Variants in IQCM observed in about 807,000 individuals in gnomAD.
IQCM encodes the protein IQ domain-containing protein M.
In IQCM, 45 loss-of-function variants were observed where a neutral mutation model predicts 57.6. That is an observed-to-expected ratio of 0.78 (90% CI 0.62 to 1.00). IQCM has a LOEUF of 1.00. Ranked by LOEUF, IQCM falls within the 50% of genes least tolerant of loss-of-function variation. IQCM has a pLI of 0.00. For synonymous variants in IQCM, 148 were observed against 158.9 expected (o/e 0.93, Z 0.51); for missense variants, 468 against 511.6 (o/e 0.91, Z 0.82).
At chr4:149,741,703 G>T (rs1207928463) in intron 3 of IQCM, among the ~76,000 whole-genome samples, 1 of 152,112 alleles carries the variant, frequency 6.6e-6, no homozygotes, top group Non-Finnish European at 1.5e-5. Flanking sequence ...TATATGTTAG[G>T]ATTGCTTGTA....
intron 10 of IQCM, among the ~76,000 whole-genome samples, chr4:149,559,819 C>G (rs2149927081): frequency 6.6e-6 from 1 of 152,284 alleles, no homozygotes; most frequent in African/African-American, 2.4e-5. Context: ...TGTTGGGAAC[C>G]AGGCTTCACA....
At chr4:149,368,930 ACG>A (rs1730116440) in intron 13 of IQCM, among the ~76,000 whole-genome samples, 1 of 82,198 alleles carries the variant, frequency 1.2e-5, no homozygotes, top group African/African-American at 5.0e-5. Context: ...ATATATATAC[ACG>A]TGTATATATA....
chr4:149,360,106 T>C (rs1464300340), intron 13 of IQCM, among the ~76,000 whole-genome samples: 1 of 152,116 alleles, frequency 6.6e-6, no homozygotes, highest in East Asian at 1.9e-4. Flanking sequence ...GATCTGCACA[T>C]CAGATGATTA....
intron 2 of IQCM, among the ~76,000 whole-genome samples, chr4:149,765,680 T>A (rs1354673590): frequency 6.6e-6 from 1 of 152,142 alleles, no homozygotes; most frequent in Non-Finnish European, 1.5e-5. Flanking sequence ...CCAGTTATTT[T>A]ATCCTAGCTT....
chr4:149,653,877 A>G lies in IQCM; in HGVS notation c.565+28241T>C, dbSNP rs569881028. On this transcript the variant is annotated intron_variant, in intron 7 of 13. Coordinates refer to ENST00000636793, the MANE Select transcript of IQCM (RefSeq NM_001363507.2). ...TCTGATTTTTAGTTTCTTCCTTTCT[A>G]CTCAATTGTAACTGGGAAAAAAATG... Among the ~76,000 whole-genome samples the G allele has an allele frequency of 2.0e-5, 3 of 152,140 alleles. No homozygotes were observed. The South Asian group carries it at 6.2e-4, about 32-fold the overall frequency.
At chr4:149,676,067 G>A (rs947880373) in intron 7 of IQCM, among the ~76,000 whole-genome samples, 1 of 151,958 alleles carries the variant, frequency 6.6e-6, no homozygotes, top group Non-Finnish European at 1.5e-5. Context: ...TCTGCCATGG[G>A]TCTGTTTCCT....
chr4:149,709,571 A>G (rs1324211830), intron 5 of IQCM, among the ~76,000 whole-genome samples: 1 of 152,140 alleles, frequency 6.6e-6, no homozygotes, highest in African/African-American at 2.4e-5. Flanking sequence ...TCAGCACTTA[A>G]CAACATAGGA....
At chr4:149,592,714 A>T (rs1241841818) in intron 8 of IQCM, among the ~76,000 whole-genome samples, 1 of 151,956 alleles carries the variant, frequency 6.6e-6, no homozygotes, top group East Asian at 1.9e-4. Context: ...TAAATAGGGA[A>T]TCCTTTCCCC....
intron 13 of IQCM, among the ~76,000 whole-genome samples, chr4:149,422,606 C>CGT (rs1734192653): frequency 6.6e-6 from 1 of 151,820 alleles, no homozygotes; most frequent in South Asian, 2.1e-4. Context: ...TGTGCATGTG[C>CGT]GTGTGTGTGT....
At chr4:149,627,519 T>A (rs529063923) in intron 7 of IQCM, among the ~76,000 whole-genome samples, 1 of 152,348 alleles carries the variant, frequency 6.6e-6, no homozygotes, top group Non-Finnish European at 1.5e-5. Context: ...ACACATTACC[T>A]GACCTATGCT....
At chr4:149,459,441 T>C (rs1192149673) in intron 12 of IQCM, among the ~76,000 whole-genome samples, 1 of 152,222 alleles carries the variant, frequency 6.6e-6, no homozygotes, top group East Asian at 1.9e-4. Flanking sequence ...TTTATTGTAG[T>C]AGAATACACA....
intron 7 of IQCM, among the ~76,000 whole-genome samples, chr4:149,669,744 C>A (rs1456884319): frequency 6.6e-6 from 1 of 152,138 alleles, no homozygotes; most frequent in Non-Finnish European, 1.5e-5. Flanking sequence ...ATCCTTTCCC[C>A]ATTGCTTGTT....
At chr4:149,536,384 A>T (rs1747298357) in intron 12 of IQCM, among the ~76,000 whole-genome samples, 3 of 151,968 alleles carry the variant, frequency 2.0e-5, no homozygotes, top group African/African-American at 7.2e-5. Context: ...ACTTTCCCCT[A>T]TTCACTGTTA....
chr4:149,699,727 G>C (rs554683156), intron 5 of IQCM, among the ~76,000 whole-genome samples: 2 of 144,148 alleles, frequency 1.4e-5, no homozygotes, highest in Admixed American at 6.9e-5. Context: ...AAAAAGCCAT[G>C]GAAGTTAAAG....
chr4:149,569,331 C>A (rs930071472), intron 9 of IQCM, among the ~76,000 whole-genome samples: 2 of 152,162 alleles, frequency 1.3e-5, no homozygotes, highest in African/African-American at 2.4e-5. Flanking sequence ...GGTAAATTAT[C>A]TGTCAAGTCG....
At chr4:149,573,089 C>A (rs1284513294) in intron 9 of IQCM, among the ~76,000 whole-genome samples, 1 of 151,382 alleles carries the variant, frequency 6.6e-6, no homozygotes, top group Non-Finnish European at 1.5e-5. Flanking sequence ...TAGAGCCAAT[C>A]AATAGACAAT....
intron 5 of IQCM, among the ~76,000 whole-genome samples, chr4:149,723,177 A>G (rs967256455): frequency 6.6e-6 from 1 of 151,992 alleles, no homozygotes; most frequent in Non-Finnish European, 1.5e-5. Flanking sequence ...CAAATCTAGG[A>G]GTCTTTTGGA....
chr4:149,398,628 T>C lies in IQCM; in HGVS notation c.1390+34768A>G, dbSNP rs183933597. On this transcript the variant is annotated intron_variant, in intron 13 of 13. Transcript: ENST00000636793. ...GATGTTATTGTAAACAGAATTGTTT[T>C]CTTAATGTACTTTCTGGATAGTTTA... Among the ~76,000 whole-genome samples, 402 of 152,246 alleles carry C rather than the reference T, an allele frequency of 2.6e-3. 6 individuals carry two copies. Among genetic ancestry groups the C allele is most frequent in the African/African-American group, 9.1e-3 (380 of 41,570 alleles).
At chr4:149,436,448 C>T (rs1735373413) in intron 12 of IQCM, among the ~76,000 whole-genome samples, 1 of 152,056 alleles carries the variant, frequency 6.6e-6, no homozygotes, top group Non-Finnish European at 1.5e-5. Flanking sequence ...ACATTAGACA[C>T]ATATCGAAGG....
Sources: gnomAD v4.1 joint callset for allele counts (sites outside exome capture counted in the v4.1 genomes callset) on GRCh38, gnomAD v4.1.1 for gene constraint, MANE v1.5 for transcripts, NCBI Gene and HGNC (gene_info 2026-07-23, HGNC 2026-07-21) for gene names.